Variants in TAOK3 observed in about 807,000 individuals in gnomAD.
TAOK3 encodes the protein TAO kinase 3.
A neutral mutation model predicts 120.4 loss-of-function variants in TAOK3; 40 were observed. The observed-to-expected ratio is 0.33, with a 90% confidence interval of 0.26 to 0.43. TAOK3 has a LOEUF of 0.43. Ranked by LOEUF, TAOK3 falls within the 20% of genes least tolerant of loss-of-function variation. The probability of loss-of-function intolerance (pLI) is 1.00; values close to 1 mark genes in which losing one functional copy is unlikely to be tolerated. For synonymous variants in TAOK3, 355 were observed against 387.5 expected (o/e 0.92, Z 0.99); for missense variants, 821 against 1,112.1 (o/e 0.74, Z 3.72).
At chr12:118,265,068 G>A (rs1433715317) in intron 2 of TAOK3, among the ~76,000 whole-genome samples, 1 of 151,862 alleles carries the variant, frequency 6.6e-6, no homozygotes, top group African/African-American at 2.4e-5. Context: ...ATGAAGTAGA[G>A]AAAAATTTTG....
intron 1 of TAOK3, among the ~76,000 whole-genome samples, chr12:118,338,778 C>T (rs1471287231): frequency 9.4e-6 from 1 of 106,898 alleles, no homozygotes; most frequent in Admixed American, 1.3e-4. Flanking sequence ...CAGAGTGAGA[C>T]TCCGTCTCAA....
At chr12:118,228,923 C>T (rs2139767245) in intron 9 of TAOK3, among the ~76,000 whole-genome samples, 1 of 152,042 alleles carries the variant, frequency 6.6e-6, no homozygotes, top group South Asian at 2.1e-4. Context: ...AATCATATTC[C>T]TTTTTATTTT....
intron 1 of TAOK3, among the ~76,000 whole-genome samples, chr12:118,286,750 C>T (rs980388663): frequency 2.6e-5 from 4 of 152,116 alleles, no homozygotes; most frequent in Non-Finnish European, 4.4e-5. Flanking sequence ...AGTCATTATA[C>T]AAAAAGATAT....
chr12:118,180,850 T>A (rs1347112402), intron 15 of TAOK3, among the ~76,000 whole-genome samples: 2 of 148,580 alleles, frequency 1.3e-5, no homozygotes, highest in South Asian at 2.1e-4. Context: ...TAAGTATAAT[T>A]TTTTTTTTTT....
At chr12:118,322,716 AC>A (rs1301489601) in intron 1 of TAOK3, among the ~76,000 whole-genome samples, 5 of 142,314 alleles carry the variant, frequency 3.5e-5, no homozygotes, top group African/African-American at 1.0e-4. Context: ...AAATTTAAAA[AC>A]CTTTTTTTTT....
chr12:118,212,238 T>C (rs1426589978), intron 11 of TAOK3, among the ~76,000 whole-genome samples: 4 of 152,060 alleles, frequency 2.6e-5, no homozygotes, highest in Admixed American at 6.6e-5. Context: ...AAAACAAACA[T>C]GCAAAAGAAG....
chr12:118,315,008 G>A (rs1371754504), intron 1 of TAOK3, among the ~76,000 whole-genome samples: 1 of 151,824 alleles, frequency 6.6e-6, no homozygotes, highest in African/African-American at 2.4e-5. Context: ...TAAGCTGGCT[G>A]CAACCTCCGC....
intron 1 of TAOK3, chr12:118,283,794 TG>T: frequency 5.1e-6 from 1 of 195,324 alleles, no homozygotes; most frequent in South Asian, 8.2e-5. Context: ...TAGGAAATGG[TG>T]GGCACAAAGG....
chr12:118,238,179 G>GAAA lies in TAOK3; in HGVS notation c.341-13_341-11dup. On this transcript the variant is annotated splice_polypyrimidine_tract_variant and intron_variant, in intron 6 of 20. Coordinates refer to ENST00000392533, the MANE Select transcript of TAOK3 (RefSeq NM_016281.4). The stretch of plus-strand genomic sequence containing the variant: ...AGTGGTTTTTTATGAACTGAGGAAG[G>GAAA]AAAAAAAAAAAAGTCAGTAGATGAT... 3.2e-6 allele frequency: 4 copies of GAAA among 1,247,092 alleles called. No homozygotes were observed. Among genetic ancestry groups the GAAA allele is most frequent in the Non-Finnish European group, 4.4e-6 (4 of 917,628 alleles). The allele number at this position is 1,247,092 out of a possible 1,614,324, so 77.3% of individuals were successfully genotyped here. A position where few individuals can be genotyped will look rare whatever the true frequency, so the allele number is the denominator to read the frequency against.
intron 19 of TAOK3, 121 bp from the exon 20 acceptor site, chr12:118,152,530 A>G: frequency 1.1e-6 from 1 of 918,168 alleles, no homozygotes; most frequent in South Asian, 1.7e-5. Flanking sequence ...TGCCCCCTCA[A>G]AAACACAGAT....
intron 17 of TAOK3, among the ~76,000 whole-genome samples, chr12:118,165,459 C>G (rs2035518368): frequency 6.6e-6 from 1 of 152,226 alleles, no homozygotes; most frequent in African/African-American, 2.4e-5. Flanking sequence ...TCAAGTGCTT[C>G]TCTTCCTGCT....
chr12:118,271,337 C>T (rs1053443386), intron 1 of TAOK3, among the ~76,000 whole-genome samples: 4 of 152,120 alleles, frequency 2.6e-5, no homozygotes, highest in East Asian at 1.9e-4. Context: ...ACCCCAGCCT[C>T]GCCCCACCCC....
intron 3 of TAOK3, among the ~76,000 whole-genome samples, chr12:118,247,279 A>C (rs919951904): frequency 8.5e-5 from 13 of 152,200 alleles, no homozygotes; most frequent in Non-Finnish European, 1.8e-4. Context: ...TTTTATAATA[A>C]GACTGTATTA....
chr12:118,332,085 A>G (rs1021776277), intron 1 of TAOK3, among the ~76,000 whole-genome samples: 3 of 152,214 alleles, frequency 2.0e-5, no homozygotes, highest in Non-Finnish European at 4.4e-5. Flanking sequence ...TTGGCCTCCC[A>G]CAGTGCTGGG....
intron 1 of TAOK3, among the ~76,000 whole-genome samples, chr12:118,311,136 G>A (rs532045340): frequency 6.6e-6 from 1 of 152,256 alleles, no homozygotes; most frequent in African/African-American, 2.4e-5. Context: ...ACTGTACATT[G>A]TTGTCTCAGT....
At chr12:118,301,316 C>G (rs991695322) in intron 1 of TAOK3, among the ~76,000 whole-genome samples, 8 of 152,092 alleles carry the variant, frequency 5.3e-5, no homozygotes, top group African/African-American at 1.9e-4. Context: ...TTAAGGGAGG[C>G]TAAAAACAAA....
intron 1 of TAOK3, among the ~76,000 whole-genome samples, chr12:118,293,738 G>A (rs1011352484): frequency 6.6e-6 from 1 of 151,974 alleles, no homozygotes; most frequent in African/African-American, 2.4e-5. Context: ...CTTCTGATGG[G>A]TGTGGTGGCT....
chr12:118,344,104 AT>A (rs2044750216), intron 1 of TAOK3, among the ~76,000 whole-genome samples: 1 of 151,144 alleles, frequency 6.6e-6, no homozygotes, highest in Non-Finnish European at 1.5e-5. Context: ...AATTTAGAAC[AT>A]TGGCAATGGT....
At chr12:118,153,935 C>G (rs1274201337) in intron 19 of TAOK3, among the ~76,000 whole-genome samples, 1 of 152,116 alleles carries the variant, frequency 6.6e-6, no homozygotes, top group East Asian at 1.9e-4. Flanking sequence ...AAGGTACCTT[C>G]TAAAAATTAA....
Sources: gnomAD v4.1 joint callset for allele counts (sites outside exome capture counted in the v4.1 genomes callset) on GRCh38, gnomAD v4.1.1 for gene constraint, MANE v1.5 for transcripts, NCBI Gene and HGNC (gene_info 2026-07-23, HGNC 2026-07-21) for gene names.